Variants in ACYP2 observed in about 807,000 individuals in gnomAD.
ACYP2 encodes the protein acylphosphatase-2.
Under a neutral mutation model 11.2 loss-of-function variants are expected in ACYP2, and 12 were observed. The ratio of observed to expected loss-of-function variants is 1.08; its 90% CI spans 0.69 to 1.74. The LOEUF (loss-of-function observed/expected upper bound fraction) is 1.74. Among genes scored for constraint, ACYP2 ranks in the 40% most tolerant of loss-of-function variants. The pLI, the probability that ACYP2 is intolerant of heterozygous loss-of-function variation, is 0.00. For synonymous variants in ACYP2, 43 were observed against 32.2 expected, an observed-to-expected ratio of 1.33 and a Z score of -1.13; for missense variants, 134 against 101.9, an observed-to-expected ratio of 1.31 and a Z score of -1.35.
At chr2:54,256,105 G>T in intron 6 of ACYP2, 1 of 1,614,174 alleles carries the variant, frequency 6.2e-7, no homozygotes, top group African/African-American at 1.3e-5. Flanking sequence ...GTCTTCCAGA[G>T]CATAGTCGAG....
intron 2 of ACYP2, among the ~76,000 whole-genome samples, chr2:53,989,832 T>C (rs1389816094): frequency 1.3e-5 from 2 of 152,154 alleles, no homozygotes; most frequent in East Asian, 3.8e-4. Flanking sequence ...TGTCAAATAC[T>C]AGAGATGTCC....
chr2:54,247,959 C>G (rs1259931672), intron 6 of ACYP2, among the ~76,000 whole-genome samples: 1 of 152,226 alleles, frequency 6.6e-6, no homozygotes, highest in Non-Finnish European at 1.5e-5. Context: ...AAAATGCACA[C>G]AAAGTGCTTA....
intron 6 of ACYP2, among the ~76,000 whole-genome samples, chr2:54,172,235 T>C (rs1010571922): frequency 2.0e-5 from 3 of 152,148 alleles, no homozygotes; most frequent in African/African-American, 7.2e-5. Context: ...ATAAAAATTA[T>C]ATTCCTTCTA....
chr2:53,973,522 C>T (rs753948741), intron 1 of ACYP2, among the ~76,000 whole-genome samples: 2 of 152,174 alleles, frequency 1.3e-5, no homozygotes, highest in Non-Finnish European at 2.9e-5. Context: ...TAATCTCCCC[C>T]ACCCTTAGGA....
At chr2:54,215,506 G>C (rs1685521959) in intron 6 of ACYP2, among the ~76,000 whole-genome samples, 1 of 152,178 alleles carries the variant, frequency 6.6e-6, no homozygotes, top group Admixed American at 6.5e-5. Flanking sequence ...AGTAATACAT[G>C]TTTACTTTTA....
chr2:54,074,867 A>T (rs764998405), intron 4 of ACYP2, among the ~76,000 whole-genome samples: 4 of 152,130 alleles, frequency 2.6e-5, no homozygotes, highest in Non-Finnish European at 5.9e-5. Context: ...AGGTTCACTC[A>T]CATTATGGAA....
chr2:54,197,942 A>ATTGTATTGTATTGTATTG (rs1354658076), intron 6 of ACYP2, among the ~76,000 whole-genome samples: 19 of 69,572 alleles, frequency 2.7e-4, no homozygotes, highest in East Asian at 4.9e-4. Flanking sequence ...TGTATGTATT[A>ATTGTATTGTATTGTATTG]TATTGTATTG....
At chr2:54,100,633 A>G (rs1572753208) in intron 4 of ACYP2, among the ~76,000 whole-genome samples, 1 of 152,032 alleles carries the variant, frequency 6.6e-6, no homozygotes, top group Middle Eastern at 3.4e-3. Context: ...TTAATACTCT[A>G]CCAATTGTAC....
At chr2:54,199,652 T>C (rs1210316182) in intron 6 of ACYP2, among the ~76,000 whole-genome samples, 2 of 152,252 alleles carry the variant, frequency 1.3e-5, no homozygotes, top group African/African-American at 4.8e-5. Flanking sequence ...GATGACTTAC[T>C]TCTAGGCTTA....
intron 6 of ACYP2, among the ~76,000 whole-genome samples, chr2:54,247,140 A>G (rs1253749923): frequency 6.6e-6 from 1 of 152,030 alleles, no homozygotes; most frequent in Non-Finnish European, 1.5e-5. Context: ...GGCTAACACT[A>G]TTTCTCTATA....
intron 4 of ACYP2, among the ~76,000 whole-genome samples, chr2:54,060,405 T>TGA (rs908867549): frequency 6.6e-6 from 1 of 152,152 alleles, no homozygotes; most frequent in African/African-American, 2.4e-5. Flanking sequence ...TTTTAAAAAA[T>TGA]AATCATCTTC....
intron 4 of ACYP2, among the ~76,000 whole-genome samples, chr2:54,121,726 T>C (rs1680169005): frequency 6.6e-6 from 1 of 152,240 alleles, no homozygotes; most frequent in Non-Finnish European, 1.5e-5. Flanking sequence ...GTATTTTATT[T>C]ATAGTAGTTA....
At chr2:54,052,046 C>CAATCAATA (rs1675892301) in intron 3 of ACYP2, among the ~76,000 whole-genome samples, 2 of 141,158 alleles carry the variant, frequency 1.4e-5, no homozygotes, top group East Asian at 2.1e-4. Context: ...GACTCTGTCT[C>CAATCAATA]AATAAATAAA....
chr2:54,212,687 C>T (rs1219386096), intron 6 of ACYP2, among the ~76,000 whole-genome samples: 4 of 152,222 alleles, frequency 2.6e-5, no homozygotes, highest in Non-Finnish European at 2.9e-5. Context: ...TCAGCTCACC[C>T]ATGTGGTCAG....
At chr2:54,249,665 G>A (rs1281083600) in intron 6 of ACYP2, among the ~76,000 whole-genome samples, 2 of 152,088 alleles carry the variant, frequency 1.3e-5, no homozygotes, top group African/African-American at 4.8e-5. Context: ...AAAATGGGCT[G>A]GGCACAGTGG....
rs13423204 is a variant in ACYP2, at chr2:54,230,358, C to T, written c.405-74330C>T. On this transcript the variant is annotated intron_variant, in intron 6 of 6. Transcript: ENST00000607452. The stretch of plus-strand genomic sequence containing the variant: ...ACAATCCTTTACCTTTTTTTTGTTT[C>T]GTTTTTTGTTTTTTTGAGACGGAGT... 9.4e-3 allele frequency among the ~76,000 whole-genome samples: 1,435 copies of T among 152,034 alleles called. 24 individuals carry two copies. The highest frequency in any genetic ancestry group is 0.033 in the African/African-American group (1,374 of 41,492).
intron 4 of ACYP2, among the ~76,000 whole-genome samples, chr2:54,062,596 T>C (rs1324708668): frequency 1.3e-5 from 2 of 152,240 alleles, no homozygotes; most frequent in African/African-American, 4.8e-5. Context: ...AGGCACATTT[T>C]AATATAGCAC....
chr2:54,174,804 T>TTA, intron 6 of ACYP2, among the ~76,000 whole-genome samples: 1 of 152,204 alleles, frequency 6.6e-6, no homozygotes, highest in Admixed American at 6.5e-5. Flanking sequence ...TGTCTTTGGT[T>TTA]CTGTTTATGT....
intron 6 of ACYP2, among the ~76,000 whole-genome samples, chr2:54,229,317 C>A (rs1366310542): frequency 1.3e-5 from 2 of 152,082 alleles, no homozygotes; most frequent in African/African-American, 4.8e-5. Flanking sequence ...TATTTTATGG[C>A]CCAATCTATG....
Sources: gnomAD v4.1 joint callset for allele counts (sites outside exome capture counted in the v4.1 genomes callset) on GRCh38, gnomAD v4.1.1 for gene constraint, MANE v1.5 for transcripts, NCBI Gene and HGNC (gene_info 2026-07-23, HGNC 2026-07-21) for gene names.